The following PRR16 variants were observed in gnomAD, a reference collection of about 807,000 sequenced individuals.
The protein encoded by PRR16 is protein Largen.
In PRR16, 6 loss-of-function variants were observed where a neutral mutation model predicts 18.2. That is an observed-to-expected ratio of 0.33 (90% confidence interval 0.18 to 0.65). The LOEUF (loss-of-function observed/expected upper bound fraction) is 0.65. Ranked by LOEUF, PRR16 falls within the 30% of genes least tolerant of loss-of-function variation. PRR16 has a pLI of 0.74. For missense variants in PRR16, 412 were observed against 376.6 expected (o/e 1.09, Z -0.78); for synonymous variants, 151 against 147.8 (o/e 1.02, Z -0.16).
At chr5:120,661,477 C>A (rs1427090782) in intron 1 of PRR16, among the ~76,000 whole-genome samples, 1 of 152,046 alleles carries the variant, frequency 6.6e-6, no homozygotes, top group Non-Finnish European at 1.5e-5. Flanking sequence ...TAGTTTATTC[C>A]TTTCAGAGAA....
chr5:120,743,234 C>T, the PRR16 span, among the ~76,000 whole-genome samples: 1 of 151,920 alleles, frequency 6.6e-6, no homozygotes, highest in Non-Finnish European at 1.5e-5. Context: ...TCCTATAATC[C>T]CATTTCCCCA....
intron 1 of PRR16, among the ~76,000 whole-genome samples, chr5:120,500,996 G>T (rs1750433570): frequency 6.6e-6 from 1 of 151,582 alleles, no homozygotes; most frequent in South Asian, 2.1e-4. Context: ...CTTAAAAAAG[G>T]AAGCGACTAT....
At chr5:120,642,229 G>C (rs1194019195) in intron 1 of PRR16, among the ~76,000 whole-genome samples, 2 of 150,352 alleles carry the variant, frequency 1.3e-5, no homozygotes, top group East Asian at 3.9e-4. Flanking sequence ...ATCTGATACT[G>C]TAATTTCCCT....
At chr5:120,653,955 A>G (rs1484476982) in intron 1 of PRR16, among the ~76,000 whole-genome samples, 1 of 152,054 alleles carries the variant, frequency 6.6e-6, no homozygotes, top group Non-Finnish European at 1.5e-5. Flanking sequence ...TTGTCCCTTA[A>G]CAAATTACTG....
At chr5:120,701,407 A>G in the PRR16 span, among the ~76,000 whole-genome samples, 1 of 152,162 alleles carries the variant, frequency 6.6e-6, no homozygotes, top group African/African-American at 2.4e-5. Flanking sequence ...TATATTTGAT[A>G]AAAAAGATCC....
chr5:120,573,897 A>G (rs969558361), intron 1 of PRR16, among the ~76,000 whole-genome samples: 2 of 72,122 alleles, frequency 2.8e-5, no homozygotes, highest in Admixed American at 1.2e-4. Flanking sequence ...TTTGTATGAT[A>G]TGTGTGTATA....
chr5:120,560,360 T>G (rs917704074), intron 1 of PRR16, among the ~76,000 whole-genome samples: 1 of 152,044 alleles, frequency 6.6e-6, no homozygotes, highest in Admixed American at 6.6e-5. Context: ...ATGTTAAATT[T>G]TATAAAATGT....
chr5:120,718,678 G>A, the PRR16 span, among the ~76,000 whole-genome samples: 3 of 152,050 alleles, frequency 2.0e-5, no homozygotes, highest in East Asian at 5.8e-4. Context: ...CCTGGTCCAG[G>A]AAAGCCATCA....
chr5:120,674,110 A>C (rs4314428), intron 1 of PRR16, among the ~76,000 whole-genome samples: 110,931 of 152,038 alleles, frequency 0.73, 40,909 homozygotes, highest in East Asian at 0.88. Flanking sequence ...TGTCGACGCT[A>C]CAGGGCCTCC....
chr5:120,535,801 A>T (rs538607861), intron 1 of PRR16, among the ~76,000 whole-genome samples: 85 of 137,154 alleles, frequency 6.2e-4, no homozygotes, highest in Non-Finnish European at 1.3e-3. Flanking sequence ...CCTGTCAAAA[A>T]ACAAACAAAC....
At chr5:120,714,010 ATATACTTGATATTT>A in the PRR16 span, among the ~76,000 whole-genome samples, 1 of 152,124 alleles carries the variant, frequency 6.6e-6, no homozygotes, top group Admixed American at 6.6e-5. Context: ...TCCTAGATTT[ATATACTTGATATTT>A]TATAATCAGA....
chr5:120,580,578 C>T (rs2112753778), intron 1 of PRR16, among the ~76,000 whole-genome samples: 1 of 151,844 alleles, frequency 6.6e-6, no homozygotes, highest in Non-Finnish European at 1.5e-5. Context: ...CCTCAGCCTC[C>T]CGAGTAGCTG....
chr5:120,502,032 A>G (rs1374989301), intron 1 of PRR16, among the ~76,000 whole-genome samples: 2 of 150,792 alleles, frequency 1.3e-5, no homozygotes, highest in African/African-American at 2.4e-5. Context: ...AGGGGGACTC[A>G]AGTACTCCTC....
chr5:120,690,158 G>A (rs1182134031), downstream of PRR16, among the ~76,000 whole-genome samples: 2 of 152,100 alleles, frequency 1.3e-5, no homozygotes, highest in Non-Finnish European at 2.9e-5. Context: ...AGTTGATATG[G>A]CTTTCTGTGG....
chr5:120,737,321 T>G, the PRR16 span, among the ~76,000 whole-genome samples: 2 of 132,278 alleles, frequency 1.5e-5, no homozygotes, highest in Non-Finnish European at 3.0e-5. Flanking sequence ...TTTTTTTTTT[T>G]TTTTTTTTTT....
chr5:120,613,251 A>G (rs1229216067), intron 1 of PRR16, among the ~76,000 whole-genome samples: 2 of 152,170 alleles, frequency 1.3e-5, no homozygotes, highest in African/African-American at 4.8e-5. Flanking sequence ...ATATTCATAG[A>G]ATACATAATT....
chr5:120,773,006 G>T, the PRR16 span, among the ~76,000 whole-genome samples: 1 of 152,030 alleles, frequency 6.6e-6, no homozygotes, highest in South Asian at 2.1e-4. Flanking sequence ...ATAGTCTTGA[G>T]GTACTGTAAG....
chr5:120,742,439 C>T, the PRR16 span, among the ~76,000 whole-genome samples: 26 of 151,362 alleles, frequency 1.7e-4, no homozygotes, highest in Non-Finnish European at 2.1e-4. Flanking sequence ...TAAGTATCTT[C>T]ATTATGTATT....
intron 1 of PRR16, among the ~76,000 whole-genome samples, chr5:120,477,140 T>G (rs555298498): frequency 1.3e-5 from 2 of 152,320 alleles, no homozygotes; most frequent in East Asian, 3.9e-4. Flanking sequence ...AAAAAGGTAC[T>G]CTTCTTGGTG....
Sources: allele counts gnomAD v4.1 joint callset (sites outside exome capture counted in the v4.1 genomes callset), GRCh38; gene constraint gnomAD v4.1.1; transcripts MANE v1.5; gene names NCBI Gene and HGNC (gene_info 2026-07-23, HGNC 2026-07-21).